Variants in ADNP2 observed in about 807,000 individuals in gnomAD.
ADNP2 encodes ADNP homeobox 2.
Under a neutral mutation model 16.4 loss-of-function variants are expected in ADNP2, and 8 were observed. The observed-to-expected ratio is 0.49, with a 90% CI of 0.29 to 0.88. ADNP2 has a LOEUF of 0.88. ADNP2 is among the 40% of genes least tolerant of loss of function. ADNP2 has a pLI of 0.09. For synonymous variants in ADNP2, 637 were observed against 545.8 expected (o/e 1.17, Z -2.33); for missense variants, 1,397 against 1,395.1 (o/e 1.00, Z -0.02).
In ADNP2 at chr18:80,117,618, A is replaced by C; in HGVS notation, c.76A>C (p.Ile26Leu). 1 of 1,609,206 alleles carries C rather than the reference A, an allele frequency of 6.2e-7. No homozygotes were observed. Among genetic ancestry groups the C allele is most frequent in the East Asian group, 2.2e-5 (1 of 44,664 alleles). Residue 26 changes from isoleucine to leucine, a missense_variant, in exon 2 of 4, where the codon ATT becomes CTT. Coordinates refer to ENST00000262198, the MANE Select transcript of ADNP2 (RefSeq NM_014913.4). ...AAAGGTGAAAGGTATTCTTGTGGATATTGGGCTTGACAGCTGCAAGGAGTT... is the reference window on the plus strand; with the variant it reads ...AAAGGTGAAAGGTATTCTTGTGGATCTTGGGCTTGACAGCTGCAAGGAGTT... ...RKKVKGILVDIGLDSCKELLK... is the reference protein window; with the variant it reads ...RKKVKGILVDLGLDSCKELLK...
chr18:80,124,756 T>G (rs1254062591), intron 2 of ADNP2, among the ~76,000 whole-genome samples: 1 of 152,200 alleles, frequency 6.6e-6, no homozygotes, highest in East Asian at 1.9e-4. Context: ...ACCTAGGGGC[T>G]GCCAACCACC....
intron 2 of ADNP2, among the ~76,000 whole-genome samples, chr18:80,128,599 G>A (rs1250006901): frequency 2.0e-5 from 3 of 152,146 alleles, no homozygotes; most frequent in East Asian, 1.9e-4. Flanking sequence ...GCAGTGAGCC[G>A]AGATTGCACC....
At position 80,136,254 on chromosome 18, in the gene ADNP2, A is replaced by T; in HGVS notation, c.841A>T (p.Ser281Cys). 1 of 1,614,202 alleles carries T rather than the reference A, an allele frequency of 6.2e-7. No homozygotes were observed. Among genetic ancestry groups the T allele is most frequent in the Non-Finnish European group, 8.5e-7 (1 of 1,180,008 alleles). The change falls in exon 4 of 4, where the codon AGT becomes TGT. Residue 281 changes from serine to cysteine, a missense_variant. Around this residue, in one of 3 missense-constraint regions of ADNP2, gnomAD observed 777 missense variants for 719.4 expected, o/e 1.08. Coordinates refer to ENST00000262198, the MANE Select transcript of ADNP2 (RefSeq NM_014913.4). Reference protein sequence around the residue: ...AAHLAAPANGSAPSAPAQPPC... With the variant: ...AAHLAAPANGCAPSAPAQPPC... ...ACATTTGGCTGCACCAGCAAATGGCAGTGCTCCAAGCGCTCCAGCGCAGCC... is the reference window on the plus strand; with the variant it reads ...ACATTTGGCTGCACCAGCAAATGGCTGTGCTCCAAGCGCTCCAGCGCAGCC...
chr18:80,136,397 A>C lies in ADNP2; in HGVS notation c.984A>C (p.Gln328His). The C allele has an allele frequency of 6.2e-7, 1 of 1,614,094 alleles. No homozygotes were observed. The highest frequency in any genetic ancestry group is 8.5e-7 in the Non-Finnish European group (1 of 1,180,014). ...CTCATTCCCCCCCTGCTGCTGGCCA[A>C]TCCCACATGACTCTGGTCTCCAGCC... ...SLTHSPPAAG[Q>H]SHMTLVSSPL... The change falls in exon 4 of 4, where the codon CAA becomes CAC. Residue 328 changes from glutamine (Q) to histidine (H), a missense_variant. Physicochemically the swap from Gln to His is conservative, Grantham distance 24. Coordinates refer to ENST00000262198, the MANE Select transcript of ADNP2 (RefSeq NM_014913.4).
chr18:80,109,672 A>C (rs2052344168), intron 1 of ADNP2, 200 bp downstream of exon 1: 1 of 149,136 alleles, frequency 6.7e-6, no homozygotes, highest in Non-Finnish European at 1.5e-5. Context: ...CGCGGCCCGA[A>C]CGGCGCCCGT....
chr18:80,129,095 CTTTTTTTTTGTTT>C (rs2052479082), intron 2 of ADNP2, among the ~76,000 whole-genome samples: 4 of 132,208 alleles, frequency 3.0e-5, no homozygotes, highest in Admixed American at 1.5e-4. Flanking sequence ...TTACCCAGAA[CTTTTTTTTTGTTT>C]TTTTTTTTTT....
At chr18:80,119,413 CAAAAAA>C (rs5826687) in intron 2 of ADNP2, among the ~76,000 whole-genome samples, 4 of 113,688 alleles carry the variant, frequency 3.5e-5, no homozygotes, top group Non-Finnish European at 7.1e-5. Flanking sequence ...GACTCCGTCT[CAAAAAA>C]AAAAAAAAAA....
Position 80,136,602 on chromosome 18 carries a change from C to T in ADNP2, c.1189C>T (p.Arg397Cys), listed in dbSNP as rs772902577. The T allele has an allele frequency of 1.9e-5, 30 of 1,614,086 alleles. No homozygotes were observed. The highest frequency in any genetic ancestry group is 1.6e-4 in the Middle Eastern group (1 of 6,084). The change falls in exon 4 of 4, where the codon CGC (arginine) becomes TGC (cysteine). Residue 397 changes from arginine (R) to cysteine (C), a missense_variant. By Grantham distance (180) the Arg-to-Cys change is radical. Transcript: ENST00000262198. ...TGTCCTCCCCATAAATCAGACTGTTCGCCCTGGGGTTTTACCCCTCACCCA... is the reference window on the plus strand; with the variant it reads ...TGTCCTCCCCATAAATCAGACTGTTTGCCCTGGGGTTTTACCCCTCACCCA... Reference protein sequence around the residue: ...TSVLPINQTVRPGVLPLTQPV... With the variant: ...TSVLPINQTVCPGVLPLTQPV...
In ADNP2 at chr18:80,136,816, G is replaced by C. The variant is rs770701065; in HGVS notation, c.1403G>C (p.Gly468Ala). ...GQMTPAGVIP[G>A]QTATSGVLPT... The stretch of plus-strand genomic sequence containing the variant: ...ATGACTCCTGCAGGGGTTATCCCTG[G>C]GCAAACAGCAACTTCTGGGGTTCTT... Residue 468 changes from glycine (G) to alanine (A), a missense_variant, in exon 4 of 4, where the codon GGG (glycine) becomes GCG (alanine). Gly to Ala is a moderately conservative substitution (Grantham distance 60). Around this residue, in one of 3 missense-constraint regions of ADNP2, gnomAD observed 777 missense variants for 719.4 expected, o/e 1.08. Coordinates refer to ENST00000262198, the MANE Select transcript of ADNP2 (RefSeq NM_014913.4). 3 of 1,612,258 alleles carry C rather than the reference G, an allele frequency of 1.9e-6. No homozygotes were observed. The highest frequency in any genetic ancestry group is 2.5e-6 in the Non-Finnish European group (3 of 1,178,662).
At chr18:80,123,588 C>T (rs1009493026) in intron 2 of ADNP2, among the ~76,000 whole-genome samples, 26 of 151,980 alleles carry the variant, frequency 1.7e-4, no homozygotes, top group South Asian at 4.1e-4. Context: ...AGGCTGGTCT[C>T]GAACTCCCGA....
At chr18:80,115,797 C>T (rs1309841989) in intron 1 of ADNP2, among the ~76,000 whole-genome samples, 3 of 151,858 alleles carry the variant, frequency 2.0e-5, no homozygotes, top group Admixed American at 6.6e-5. Context: ...TTTCTGGGGA[C>T]GGAGTTTTGC....
At chr18:80,133,434 A>C (rs1051232177) in intron 3 of ADNP2, among the ~76,000 whole-genome samples, 7 of 152,210 alleles carry the variant, frequency 4.6e-5, no homozygotes, top group African/African-American at 1.4e-4. Context: ...TTTGTCCTTG[A>C]TTATAAGATA....
At chr18:80,123,069 C>T (rs1418104211) in intron 2 of ADNP2, among the ~76,000 whole-genome samples, 1 of 151,956 alleles carries the variant, frequency 6.6e-6, no homozygotes, top group Non-Finnish European at 1.5e-5. Flanking sequence ...ATTGTGATAA[C>T]CATGTGATTT....
chr18:80,120,906 C>T (rs920260543), intron 2 of ADNP2, among the ~76,000 whole-genome samples: 3 of 152,092 alleles, frequency 2.0e-5, no homozygotes, highest in Non-Finnish European at 4.4e-5. Context: ...ATTGATTTCA[C>T]CTTTTGTCTC....
At chr18:80,112,668 A>G (rs955182856) in intron 1 of ADNP2, among the ~76,000 whole-genome samples, 5 of 152,136 alleles carry the variant, frequency 3.3e-5, no homozygotes, top group African/African-American at 1.2e-4. Flanking sequence ...CCCCTGCCCA[A>G]TCTCTGAGAG....
rs746159856 is a variant in ADNP2, at chr18:80,136,547, C to T, written c.1134C>T (p.Val378=). 15 of 1,614,114 alleles carry T rather than the reference C, an allele frequency of 9.3e-6. No individual in the cohort carries two copies. Among genetic ancestry groups the T allele is most frequent in the East Asian group, 8.9e-5 (4 of 44,886 alleles). The change falls in exon 4 of 4, where the codon GTC becomes GTT. Residue 378 remains valine (V), a synonymous_variant. Transcript: ENST00000262198. The part of the protein sequence containing the change: ...NPPVLPLSQP[V]GPVNKSVGTS... ...CTGTGTTGCCCTTGAGTCAGCCAGTCGGACCTGTCAATAAGTCTGTTGGAA... is the reference window on the plus strand; with the variant it reads ...CTGTGTTGCCCTTGAGTCAGCCAGTTGGACCTGTCAATAAGTCTGTTGGAA...
intron 2 of ADNP2, among the ~76,000 whole-genome samples, chr18:80,122,387 G>A (rs763054937): frequency 6.6e-6 from 1 of 152,160 alleles, no homozygotes; most frequent in African/African-American, 2.4e-5. Context: ...CTGCAAAGAA[G>A]ACTCTTAGAA....
rs752358779 is a variant in ADNP2 at position 80,138,271 on chromosome 18, C to T, written c.2858C>T (p.Pro953Leu). 3.1e-6 allele frequency: 5 copies of T among 1,614,128 alleles called. No individual in the cohort carries two copies. The highest frequency in any genetic ancestry group is 1.1e-5 in the South Asian group (1 of 91,076). ...AGCAGCTCAGACCTGCAGGCCCAGC[C>T]GGGTTTTATTCACAACAGTGAACTG... The part of the protein sequence containing the change: ...KDSSSDLQAQ[P>L]GFIHNSELLL... The change falls in exon 4 of 4, where the codon CCG (proline) becomes CTG (leucine). Residue 953 changes from proline (P) to leucine (L), a missense_variant. Pro to Leu is a moderately conservative substitution (Grantham distance 98). This residue lies in a region of ADNP2 where 611 missense variants were observed against 648.7 expected (regional missense o/e 0.94). Transcript: ENST00000262198.
intron 1 of ADNP2, among the ~76,000 whole-genome samples, chr18:80,117,310 G>A (rs1317807119): frequency 6.6e-6 from 1 of 152,006 alleles, no homozygotes; most frequent in Non-Finnish European, 1.5e-5. Context: ...ATAGTTTTAG[G>A]TCTTACATAC....
Sources: allele counts gnomAD v4.1 joint callset (sites outside exome capture counted in the v4.1 genomes callset), GRCh38; gene constraint gnomAD v4.1.1; regional missense constraint gnomAD v4.1.1; transcripts MANE v1.5; gene names NCBI Gene and HGNC (gene_info 2026-07-23, HGNC 2026-07-21).